BEND6: variants seen among roughly 807,000 people sequenced by gnomAD.
BEND6 encodes the protein BEN domain-containing protein 6.
In BEND6, 24 loss-of-function variants were observed where a neutral mutation model predicts 31.8. The ratio of observed to expected loss-of-function variants is 0.75; its 90% CI spans 0.55 to 1.06. The LOEUF is 1.06. BEND6 is among the 50% of genes least tolerant of loss of function. The probability of loss-of-function intolerance (pLI) is 0.00; values close to 1 mark genes in which losing one functional copy is unlikely to be tolerated. For synonymous variants in BEND6, 109 were observed against 114.6 expected (o/e 0.95, Z 0.31); for missense variants, 294 against 327.4 (o/e 0.90, Z 0.79).
chr6:56,984,378 A>C (rs934755730), intron 2 of BEND6, among the ~76,000 whole-genome samples: 4 of 152,250 alleles, frequency 2.6e-5, no homozygotes, highest in Non-Finnish European at 5.9e-5. Flanking sequence ...GAGTGTTCAC[A>C]TCAGTGTACG....
chr6:56,974,480 A>G lies in BEND6; in HGVS notation c.-100-7231A>G, dbSNP rs536326167. Among the ~76,000 whole-genome samples the G allele has an allele frequency of 7.9e-5, 12 of 152,356 alleles. 1 individual carries two copies. The South Asian group carries it at 2.5e-3, about 32-fold the overall frequency. ...TAAAACTATATAAACTTGAAGTATC[A>G]GTGTTCATAAACAAAGTCTAATTGG... On this transcript the variant is annotated intron_variant, in intron 1 of 6. Transcript: ENST00000370746.
chr6:57,010,208 A>C (rs1232964415), intron 3 of BEND6: 1 of 152,220 alleles, frequency 6.6e-6, no homozygotes, highest in Non-Finnish European at 1.5e-5. Context: ...AATACCACCT[A>C]AAGGTGCAAT....
intron 1 of BEND6, among the ~76,000 whole-genome samples, chr6:56,969,554 A>C (rs574263043): frequency 2.6e-4 from 40 of 152,352 alleles, no homozygotes; most frequent in African/African-American, 9.6e-4. Flanking sequence ...ATATGTATAA[A>C]GCAATCCAAA....
At chr6:56,995,917 A>AT (rs1826691647) in intron 3 of BEND6, among the ~76,000 whole-genome samples, 2 of 152,168 alleles carry the variant, frequency 1.3e-5, no homozygotes, top group Admixed American at 1.3e-4. Context: ...TGTTACCAGC[A>AT]TTTTGACACA....
At chr6:56,983,820 C>T (rs79076663) in intron 2 of BEND6, among the ~76,000 whole-genome samples, 2,280 of 152,198 alleles carry the variant, frequency 0.015, 56 homozygotes, top group African/African-American at 0.052. Context: ...TGCATAGCAC[C>T]GTGTTTTATT....
intron 2 of BEND6, among the ~76,000 whole-genome samples, chr6:56,986,527 T>C (rs1826280860): frequency 6.6e-6 from 1 of 152,208 alleles, no homozygotes; most frequent in South Asian, 2.1e-4. Context: ...TAGTTGTGTT[T>C]TCTATAACTG....
chr6:57,015,856 T>C (rs1447978226), intron 4 of BEND6, among the ~76,000 whole-genome samples: 1 of 149,050 alleles, frequency 6.7e-6, no homozygotes, highest in Non-Finnish European at 1.5e-5. Flanking sequence ...TGACCTAGCC[T>C]GAGGAAAGGG....
At chr6:57,014,944 T>C (rs1827479236) in intron 3 of BEND6, among the ~76,000 whole-genome samples, 189 bp from the exon 4 acceptor site, 1 of 152,236 alleles carries the variant, frequency 6.6e-6, no homozygotes, top group African/African-American at 2.4e-5. Flanking sequence ...TATTAAGCAA[T>C]TACTAAATTA....
At chr6:56,976,852 C>CT (rs1253369924) in intron 1 of BEND6, among the ~76,000 whole-genome samples, 2 of 152,312 alleles carry the variant, frequency 1.3e-5, no homozygotes, top group East Asian at 3.9e-4. Context: ...GGCATGAGCA[C>CT]TGCAACTGGT....
intron 1 of BEND6, among the ~76,000 whole-genome samples, chr6:56,963,568 C>G (rs1333424020): frequency 6.6e-6 from 1 of 152,058 alleles, no homozygotes; most frequent in Non-Finnish European, 1.5e-5. Flanking sequence ...CCTGGCTGTC[C>G]TTTATAAAAG....
intron 6 of BEND6, among the ~76,000 whole-genome samples, chr6:57,021,960 G>T (rs1448812327): frequency 6.6e-6 from 1 of 152,032 alleles, no homozygotes; most frequent in Non-Finnish European, 1.5e-5. Context: ...GTGGTCAGAG[G>T]CCAGGGATGC....
At chr6:56,959,961 G>A (rs1825231245) in intron 1 of BEND6, among the ~76,000 whole-genome samples, 1 of 152,128 alleles carries the variant, frequency 6.6e-6, no homozygotes, top group African/African-American at 2.4e-5. Context: ...GGGTGTGTGA[G>A]CATTACAGAC....
intron 6 of BEND6, among the ~76,000 whole-genome samples, chr6:57,022,116 T>A (rs1313987918): frequency 1.3e-5 from 2 of 152,020 alleles, no homozygotes; most frequent in South Asian, 2.1e-4. Flanking sequence ...CTTTGTAGAA[T>A]GAGTTTGGAA....
intron 3 of BEND6, chr6:57,014,426 C>G (rs1827458696): frequency 7.6e-7 from 1 of 1,316,062 alleles, no homozygotes; most frequent in South Asian, 1.6e-5. Flanking sequence ...GGTTCAAGAT[C>G]TCTTCCAACT....
rs373150482 is a variant in BEND6 at position 57,000,586 on chromosome 6, CAAAA to C, written c.298+8040_298+8043del. ...GATCAATAAATACTAAAAAAACAAA[CAAAA>C]AAAAAAAACCATAAATAACAAGAAT... On this transcript the variant is annotated intron_variant, in intron 3 of 6. Transcript: ENST00000370746. Among the ~76,000 whole-genome samples the C allele has an allele frequency of 6.2e-3, 774 of 125,272 alleles. 4 individuals are homozygous for C. Among genetic ancestry groups the C allele is most frequent in the Non-Finnish European group, 8.0e-3 (485 of 60,718 alleles). The allele number at this position is 125,272 out of a possible 152,430, so 82.2% of individuals were successfully genotyped here.
chr6:56,969,587 T>G (rs1200150010), intron 1 of BEND6, among the ~76,000 whole-genome samples: 3 of 152,154 alleles, frequency 2.0e-5, no homozygotes, highest in Non-Finnish European at 2.9e-5. Context: ...TATGAAAGAG[T>G]ACTTAGGTTT....
intron 3 of BEND6, among the ~76,000 whole-genome samples, chr6:57,004,020 G>A (rs1190125092): frequency 1.3e-5 from 2 of 151,920 alleles, no homozygotes; most frequent in African/African-American, 4.8e-5. Flanking sequence ...GGCATCAAAG[G>A]AACACACCTA....
chr6:56,961,287 T>A (rs1317813779), intron 1 of BEND6, among the ~76,000 whole-genome samples: 1 of 152,198 alleles, frequency 6.6e-6, no homozygotes, highest in Non-Finnish European at 1.5e-5. Flanking sequence ...AAACTTTCTG[T>A]TCTAAACTAT....
At chr6:56,970,409 A>G (rs1031288478) in intron 1 of BEND6, among the ~76,000 whole-genome samples, 23 of 152,152 alleles carry the variant, frequency 1.5e-4, no homozygotes, top group Non-Finnish European at 2.2e-4. Flanking sequence ...TCCTGAACTC[A>G]GGTGATCTGC....
Sources: allele counts gnomAD v4.1 joint callset (sites outside exome capture counted in the v4.1 genomes callset), GRCh38; gene constraint gnomAD v4.1.1; transcripts MANE v1.5; gene names NCBI Gene and HGNC (gene_info 2026-07-23, HGNC 2026-07-21).